AAMDC: variants seen among roughly 807,000 people sequenced by gnomAD.
The protein encoded by AAMDC is adipogenesis associated Mth938 domain containing.
Under a neutral mutation model 15.5 loss-of-function variants are expected in AAMDC, and 16 were observed. That is an observed-to-expected ratio of 1.03 (90% CI 0.70 to 1.57). AAMDC has a LOEUF of 1.57. Ranked by LOEUF, AAMDC falls within the 40% of genes most tolerant of loss-of-function variation. AAMDC has a pLI of 0.00. For synonymous variants in AAMDC, 51 were observed against 51.6 expected, an observed-to-expected ratio of 0.99 and a Z score of 0.05; for missense variants, 141 against 144.9, an observed-to-expected ratio of 0.97 and a Z score of 0.14.
chr11:77,898,823 C>G (rs1289532363), intron 5 of AAMDC, among the ~76,000 whole-genome samples: 1 of 152,066 alleles, frequency 6.6e-6, no homozygotes, highest in Non-Finnish European at 1.5e-5. Flanking sequence ...AGTTTGAGAC[C>G]AGCATGGCCA....
chr11:77,898,458 G>A (rs1460068962), intron 5 of AAMDC, among the ~76,000 whole-genome samples: 5 of 152,096 alleles, frequency 3.3e-5, no homozygotes, highest in Admixed American at 1.3e-4. Context: ...CACTGCGCCC[G>A]GCCAACTGGC....
intron 1 of AAMDC, among the ~76,000 whole-genome samples, chr11:77,823,690 A>G (rs1175340542): frequency 6.6e-6 from 1 of 152,042 alleles, no homozygotes; most frequent in Non-Finnish European, 1.5e-5. Context: ...TTGTGGAAAC[A>G]TACAAAGACT....
rs1425163630 is a variant in AAMDC at position 77,842,589 on chromosome 11, G to A, written c.93G>A (p.Gly31=). Reference sequence around the variant, plus strand: ...ATAAGGACTGCAAAGTATGGCCAGGGGGTAGTCGGACTTGGGATTGGAGAG... The same window carrying A: ...ATAAGGACTGCAAAGTATGGCCAGGAGGTAGTCGGACTTGGGATTGGAGAG... The part of the protein sequence containing the change: ...TTYKDCKVWP[G]GSRTWDWRET... Residue 31 remains glycine, a synonymous_variant, in exon 2 of 4, where the codon GGG becomes GGA. Coordinates refer to ENST00000393427, the MANE Select transcript of AAMDC (RefSeq NM_024684.4). The A allele has an allele frequency of 3.7e-6, 6 of 1,614,028 alleles. No homozygotes were observed. Among genetic ancestry groups the A allele is most frequent in the Non-Finnish European group, 5.1e-6 (6 of 1,179,968 alleles).
chr11:77,904,803 A>G (rs1429432434), downstream of AAMDC, among the ~76,000 whole-genome samples: 4 of 152,208 alleles, frequency 2.6e-5, no homozygotes. Context: ...GGAAGTGATT[A>G]GCGTGTTTTG....
chr11:77,821,557 G>A (rs1432893496), intron 1 of AAMDC, among the ~76,000 whole-genome samples: 2 of 152,134 alleles, frequency 1.3e-5, no homozygotes, highest in African/African-American at 4.8e-5. Flanking sequence ...GCTGGGAGAA[G>A]AGGATCTGAG....
chr11:77,901,295 A>G, downstream of AAMDC: 1 of 968,536 alleles, frequency 1.0e-6, no homozygotes, highest in South Asian at 1.3e-5. Context: ...AATAGATCAC[A>G]CATTCCTTAG....
chr11:77,841,067 G>A (rs1045106159), intron 1 of AAMDC: 4 of 628,402 alleles, frequency 6.4e-6, no homozygotes, highest in Non-Finnish European at 8.7e-6. Flanking sequence ...TCTGGTGAGA[G>A]CCTTCTTGCT....
intron 1 of AAMDC, among the ~76,000 whole-genome samples, chr11:77,823,214 C>CA (rs746182266): frequency 0.76 from 70,635 of 92,420 alleles, 27,993 homozygotes; most frequent in Middle Eastern, 0.84. Context: ...GACTCCGTCT[C>CA]AAAAAAAAAA....
At chr11:77,832,279 A>G (rs1949464588) in intron 1 of AAMDC, among the ~76,000 whole-genome samples, 1 of 151,920 alleles carries the variant, frequency 6.6e-6, no homozygotes, top group African/African-American at 2.4e-5. Context: ...ATATAAATTT[A>G]TTCTTTGAGT....
chr11:77,861,998 T>G (rs770391345), intron 2 of AAMDC, among the ~76,000 whole-genome samples: 58 of 152,328 alleles, frequency 3.8e-4, no homozygotes, highest in Non-Finnish European at 6.3e-4. Context: ...AATGCCTCCC[T>G]TAGTCTCTCC....
intron 2 of AAMDC, among the ~76,000 whole-genome samples, chr11:77,866,985 C>T (rs1032859334): frequency 1.3e-5 from 2 of 151,910 alleles, no homozygotes; most frequent in East Asian, 1.9e-4. Context: ...GAATTACAGG[C>T]GCATGTCACC....
intron 1 of AAMDC, among the ~76,000 whole-genome samples, chr11:77,826,451 T>C (rs1302632170): frequency 2.0e-5 from 3 of 152,198 alleles, no homozygotes; most frequent in African/African-American, 7.2e-5. Flanking sequence ...TATTAAATAA[T>C]TCAGAACAGG....
At chr11:77,830,078 C>T (rs1169387730) in intron 1 of AAMDC, 1 of 152,194 alleles carries the variant, frequency 6.6e-6, no homozygotes, top group African/African-American at 2.4e-5. Flanking sequence ...CTGTGGTAAG[C>T]TGATTGTGCC....
At chr11:77,848,922 CTAGAAG>C (rs375111487) in intron 2 of AAMDC, among the ~76,000 whole-genome samples, 187 of 152,116 alleles carry the variant, frequency 1.2e-3, no homozygotes, top group African/African-American at 4.2e-3. Context: ...TCCCAACTAG[CTAGAAG>C]TAGAAGTATG....
At chr11:77,894,092 A>C (rs960129078) in intron 5 of AAMDC, among the ~76,000 whole-genome samples, 86 of 152,278 alleles carry the variant, frequency 5.6e-4, no homozygotes, top group Non-Finnish European at 1.2e-4. Flanking sequence ...ACTTCAAAGA[A>C]GTTTCTATAA....
rs193149105 is a variant in AAMDC at position 77,825,142 on chromosome 11, G to A, written c.-19+3901G>A. 1.7e-3 allele frequency among the ~76,000 whole-genome samples: 258 copies of A among 152,048 alleles called. 2 individuals carry two copies. The highest frequency in any genetic ancestry group is 5.9e-3 in the African/African-American group (245 of 41,466). On this transcript the variant is annotated intron_variant, in intron 1 of 3. Transcript: ENST00000393427. The stretch of plus-strand genomic sequence containing the variant: ...GCTACAGGCGTCTGCCACCATGCCC[G>A]GCTAATTTTTTTTGTATTTTTGGTA...
intron 1 of AAMDC, among the ~76,000 whole-genome samples, chr11:77,832,951 ATGTGTGTG>A (rs146936151): frequency 0.021 from 1,412 of 68,366 alleles, 166 homozygotes; most frequent in African/African-American, 0.08. Flanking sequence ...GTATATATAT[ATGTGTGTG>A]TGTGTGTGTG....
At chr11:77,864,449 AAAAT>A (rs1484586619) in intron 2 of AAMDC, among the ~76,000 whole-genome samples, 1 of 152,074 alleles carries the variant, frequency 6.6e-6, no homozygotes, top group Non-Finnish European at 1.5e-5. Context: ...CAAAAAATAA[AAAAT>A]AAAAAAAAGA....
At chr11:77,860,144 G>A (rs1056871340) in intron 2 of AAMDC, among the ~76,000 whole-genome samples, 5 of 152,174 alleles carry the variant, frequency 3.3e-5, no homozygotes, top group East Asian at 1.9e-4. Flanking sequence ...TGATATATAC[G>A]AAGTCTTGCC....
Sources: gnomAD v4.1 joint callset for allele counts (sites outside exome capture counted in the v4.1 genomes callset) on GRCh38, gnomAD v4.1.1 for gene constraint, MANE v1.5 for transcripts, NCBI Gene and HGNC (gene_info 2026-07-23, HGNC 2026-07-21) for gene names.